EPB41L5: variants seen among roughly 807,000 people sequenced by gnomAD.
The protein encoded by EPB41L5 is band 4.1-like protein 5.
In EPB41L5, 55 loss-of-function variants were observed where a neutral mutation model predicts 106.6. The observed-to-expected ratio is 0.52, with a 90% CI of 0.42 to 0.65. EPB41L5 has a LOEUF of 0.65. EPB41L5 is among the 30% of genes least tolerant of loss of function. The probability of loss-of-function intolerance (pLI) is 0.00; values close to 1 mark genes in which losing one functional copy is unlikely to be tolerated. For missense variants in EPB41L5, 871 were observed against 882.1 expected (o/e 0.99, Z 0.16); for synonymous variants, 297 against 306.7 (o/e 0.97, Z 0.33).
intron 3 of EPB41L5, among the ~76,000 whole-genome samples, chr2:120,051,311 A>G (rs1330322786): frequency 6.6e-6 from 1 of 152,162 alleles, no homozygotes; most frequent in East Asian, 1.9e-4. Context: ...ACCCAGTTCA[A>G]GCTTCCTAGC....
intron 3 of EPB41L5, among the ~76,000 whole-genome samples, chr2:120,059,748 AC>A (rs1029841013): frequency 6.6e-6 from 1 of 152,074 alleles, no homozygotes; most frequent in African/African-American, 2.4e-5. Flanking sequence ...ACAAAAAAAA[AC>A]AAAAAAAGTC....
At chr2:120,099,344 GT>G (rs34841754) in intron 14 of EPB41L5, among the ~76,000 whole-genome samples, 1,512 of 106,568 alleles carry the variant, frequency 0.014, 11 homozygotes, top group Non-Finnish European at 0.027. Flanking sequence ...TAGTTTCTGG[GT>G]TTTTTTTTTT....
intron 3 of EPB41L5, among the ~76,000 whole-genome samples, chr2:120,057,634 CTCTT>C (rs1303931855): frequency 6.6e-6 from 1 of 150,610 alleles, no homozygotes; most frequent in African/African-American, 2.4e-5. Flanking sequence ...CATTTATAAT[CTCTT>C]TTTTTTTTTT....
At chr2:120,082,406 C>T (rs1363729665) in intron 10 of EPB41L5, among the ~76,000 whole-genome samples, 1 of 152,098 alleles carries the variant, frequency 6.6e-6, no homozygotes, top group Non-Finnish European at 1.5e-5. Context: ...TGCTGGATTA[C>T]ATTTATTGAT....
chr2:120,175,361 AG>A lies in EPB41L5; in HGVS notation c.*455del. ...AAATTGCACTTTTCCTGACTTACCT[AG>A]AAATCAAGAATTTAGGAAATTAATG... On this transcript the variant is annotated 3_prime_UTR_variant, in exon 25 of 25. Coordinates refer to ENST00000263713, the MANE Select transcript of EPB41L5 (RefSeq NM_020909.4). The A allele has an allele frequency of 6.2e-6, 1 of 160,258 alleles. No homozygotes were observed. Among genetic ancestry groups the A allele is most frequent in the Admixed American group, 5.8e-5 (1 of 17,236 alleles). The allele number at this position is 160,258 out of a possible 1,614,324, so 9.9% of individuals were successfully genotyped here.
chr2:120,149,068 G>A (rs996624783), intron 20 of EPB41L5, among the ~76,000 whole-genome samples: 2 of 152,150 alleles, frequency 1.3e-5, no homozygotes, highest in Non-Finnish European at 2.9e-5. Context: ...TGAGTATAAA[G>A]TGTGTCTCAT....
At chr2:120,092,082 G>T (rs1264592944) in intron 13 of EPB41L5, among the ~76,000 whole-genome samples, 2 of 151,628 alleles carry the variant, frequency 1.3e-5, no homozygotes, top group Non-Finnish European at 1.5e-5. Context: ...AGGTTGGAGT[G>T]CAGTGGCATG....
chr2:120,105,807 T>C lies in EPB41L5; in HGVS notation c.1337+4993T>C, dbSNP rs72841621. 1.8e-3 allele frequency: 1,785 copies of C among 985,402 alleles called. 10 individuals carry two copies. Among genetic ancestry groups the C allele is most frequent in the Non-Finnish European group, 1.7e-3 (1,374 of 829,908 alleles). 61.0% of individuals were successfully genotyped at this position (985,402 alleles called of 1,614,324 possible). ...AGATGATAATTGCTAAGTATTGTCA[T>C]GGCTGATTTTTTTTCTTAAAAGAGA... On this transcript the variant is annotated intron_variant, in intron 16 of 24. Coordinates refer to ENST00000263713, the MANE Select transcript of EPB41L5 (RefSeq NM_020909.4).
At chr2:120,037,499 A>G (rs551174790) in intron 2 of EPB41L5, among the ~76,000 whole-genome samples, 17 of 152,228 alleles carry the variant, frequency 1.1e-4, no homozygotes, top group Admixed American at 2.0e-4. Context: ...ATTTATTTCA[A>G]AAGTTACTAC....
chr2:120,123,275 C>G (rs1183506178), intron 16 of EPB41L5, among the ~76,000 whole-genome samples: 3 of 152,132 alleles, frequency 2.0e-5, no homozygotes, highest in Non-Finnish European at 4.4e-5. Flanking sequence ...TTCACCGCCT[C>G]CTCACATGAG....
intron 1 of EPB41L5, among the ~76,000 whole-genome samples, chr2:120,018,389 G>A (rs775489538): frequency 4.6e-5 from 7 of 152,084 alleles, no homozygotes; most frequent in African/African-American, 7.2e-5. Flanking sequence ...ATGAATGTTT[G>A]CCTTCTCCTG....
intron 14 of EPB41L5, among the ~76,000 whole-genome samples, chr2:120,097,530 A>C (rs558914476): frequency 6.6e-6 from 1 of 152,216 alleles, no homozygotes; most frequent in African/African-American, 2.4e-5. Context: ...GCTCTTAACT[A>C]TTCTTGTGAG....
chr2:120,096,436 T>G (rs1272133432), intron 14 of EPB41L5, among the ~76,000 whole-genome samples: 1 of 152,228 alleles, frequency 6.6e-6, no homozygotes, highest in East Asian at 1.9e-4. Context: ...ATTTTGTGCC[T>G]TTTCTGTGCT....
chr2:120,087,172 C>G lies in EPB41L5; in HGVS notation c.805C>G (p.Pro269Ala). Residue 269 changes from proline (P) to alanine (A), a missense_variant and splice_region_variant, in exon 11 of 25, where the codon CCG (proline) becomes GCG (alanine). Pro to Ala is a conservative substitution (Grantham distance 27, BLOSUM62 -1). Coordinates refer to ENST00000263713, the MANE Select transcript of EPB41L5 (RefSeq NM_020909.4). ...GDTKIGLFFW[P>A]KITRLDFKKN... The stretch of plus-strand genomic sequence containing the variant: ...TTTTATTCTCTTATTATATTATAGG[C>G]CGAAGATAACCAGATTGGATTTTAA... The G allele has an allele frequency of 6.4e-7, 1 of 1,566,750 alleles. No homozygotes were observed. Among genetic ancestry groups the G allele is most frequent in the Non-Finnish European group, 8.8e-7 (1 of 1,141,026 alleles).
intron 2 of EPB41L5, among the ~76,000 whole-genome samples, chr2:120,028,849 A>C (rs546230274): frequency 6.6e-6 from 1 of 152,346 alleles, no homozygotes; most frequent in African/African-American, 2.4e-5. Flanking sequence ...GTCTGCTGTC[A>C]TGAAGAGAGA....
Position 120,045,711 on chromosome 2 carries a change from A to G in EPB41L5, c.285+3601A>G, listed in dbSNP as rs184880218. Among the ~76,000 whole-genome samples, 7 of 152,254 alleles carry G rather than the reference A, an allele frequency of 4.6e-5. No individual in the cohort carries two copies. In the East Asian group the frequency reaches 1.4e-3, roughly 29 times the overall value. ...ACTTTAAGTTCTAGGATACATGTGC[A>G]CAACATGCAGGTTTGTTACGTATGT... On this transcript the variant is annotated intron_variant, in intron 3 of 24. Coordinates refer to ENST00000263713, the MANE Select transcript of EPB41L5 (RefSeq NM_020909.4).
chr2:120,046,675 T>C (rs1332086164), intron 3 of EPB41L5, among the ~76,000 whole-genome samples: 2 of 152,178 alleles, frequency 1.3e-5, no homozygotes, highest in Admixed American at 1.3e-4. Context: ...TAGATCTCAT[T>C]TGCCAATTTT....
At chr2:120,087,491 A>C (rs1032321106) in intron 11 of EPB41L5, among the ~76,000 whole-genome samples, 3 of 152,146 alleles carry the variant, frequency 2.0e-5, no homozygotes, top group African/African-American at 2.4e-5. Flanking sequence ...GAGGTGTATA[A>C]AAAATTACAT....
At chr2:120,114,090 C>G (rs1188902411) in intron 16 of EPB41L5, among the ~76,000 whole-genome samples, 1 of 152,192 alleles carries the variant, frequency 6.6e-6, no homozygotes, top group Non-Finnish European at 1.5e-5. Context: ...AGAGTGGCCA[C>G]ACCATGTGGG....
Sources: allele counts gnomAD v4.1 joint callset (sites outside exome capture counted in the v4.1 genomes callset), GRCh38; gene constraint gnomAD v4.1.1; transcripts MANE v1.5; gene names NCBI Gene and HGNC (gene_info 2026-07-23, HGNC 2026-07-21).